KLHL4: variants seen among roughly 807,000 people sequenced by gnomAD.
KLHL4 encodes kelch like family member 4, also known as kelch-like protein 4.
A neutral mutation model predicts 45.8 loss-of-function variants in KLHL4; 17 were observed. The observed-to-expected ratio is 0.37, with a 90% CI of 0.25 to 0.56. KLHL4 has a LOEUF of 0.56. Among genes scored for constraint, KLHL4 ranks in the 20% least tolerant of loss-of-function variants. The pLI, the probability that KLHL4 is intolerant of heterozygous loss-of-function variation, is 0.79. For synonymous variants in KLHL4, 224 were observed against 189.9 expected, an observed-to-expected ratio of 1.18 and a Z score of -1.47; for missense variants, 544 against 544.9, an observed-to-expected ratio of 1.00 and a Z score of 0.02.
intron 1 of KLHL4, among the ~76,000 whole-genome samples, chrX:87,532,659 A>C (rs979168817): frequency 1.9e-5 from 2 of 103,851 alleles, no homozygotes; most frequent in African/African-American, 7.1e-5. Flanking sequence ...CATCCCTTGT[A>C]AGTTGGATTC....
intron 9 of KLHL4, among the ~76,000 whole-genome samples, chrX:87,649,778 C>A (rs1480095823): frequency 9.0e-6 from 1 of 111,272 alleles, no homozygotes; most frequent in African/African-American, 3.3e-5. Flanking sequence ...TCTCCTTTCC[C>A]CATTCAGTGG....
chrX:87,575,408 A>G (rs73511905), intron 1 of KLHL4, among the ~76,000 whole-genome samples: 196 of 111,690 alleles, frequency 1.8e-3, no homozygotes, highest in African/African-American at 6.2e-3. Flanking sequence ...TCCCGAAACC[A>G]TCCCCTCCAA....
At chrX:87,595,823 G>A (rs887942472) in intron 1 of KLHL4, among the ~76,000 whole-genome samples, 1 of 110,989 alleles carries the variant, frequency 9.0e-6, no homozygotes, top group Non-Finnish European at 1.9e-5. Context: ...ATAATAATGC[G>A]AGCTAATAAT....
chrX:87,669,372 T>C lies in KLHL4; in HGVS notation c.*2838T>C. On this transcript the variant is annotated 3_prime_UTR_variant, in exon 11 of 11. Coordinates refer to ENST00000373119, the MANE Select transcript of KLHL4 (RefSeq NM_019117.5). ...CAAAACTTCTATACCACACAGAAGC[T>C]GAAAGAGACTCTGGGGCACTAAATT... The C allele has an allele frequency of 8.3e-7, 1 of 1,208,782 alleles. No individual in the cohort carries two copies. Among genetic ancestry groups the C allele is most frequent in the Non-Finnish European group, 1.1e-6 (1 of 893,220 alleles).
Position 87,572,390 on chromosome X carries a change from A to T in KLHL4, c.423-41487A>T, listed in dbSNP as rs747783716. 3.6e-5 allele frequency among the ~76,000 whole-genome samples: 4 copies of T among 111,165 alleles called. No individual in the cohort carries two copies. The East Asian group carries it at 1.1e-3, about 32-fold the overall frequency. On this transcript the variant is annotated intron_variant, in intron 1 of 10. Coordinates refer to ENST00000373119, the MANE Select transcript of KLHL4 (RefSeq NM_019117.5). ...TTAACAAAATAAGCACTCAATGTAC[A>T]AAGCTCTCTGAAAAGAGCTCTCTCT...
At chrX:87,545,336 G>A (rs1019026313) in intron 1 of KLHL4, among the ~76,000 whole-genome samples, 16 of 111,565 alleles carry the variant, frequency 1.4e-4, no homozygotes, top group Non-Finnish European at 2.6e-4. Context: ...GGCCTGGTGG[G>A]AGGTGATTGG....
intron 9 of KLHL4, among the ~76,000 whole-genome samples, chrX:87,643,091 G>A (rs1399678734): frequency 9.0e-6 from 1 of 111,262 alleles, no homozygotes; most frequent in African/African-American, 3.3e-5. Flanking sequence ...AGAACTAAAT[G>A]AAATTGAAAC....
chrX:87,572,683 T>C (rs939426596), intron 1 of KLHL4, among the ~76,000 whole-genome samples: 2 of 110,469 alleles, frequency 1.8e-5, no homozygotes, highest in Admixed American at 9.7e-5. Flanking sequence ...TAGCATCAAT[T>C]AGTTTCTATA....
chrX:87,658,235 G>A (rs1924056622), intron 9 of KLHL4, among the ~76,000 whole-genome samples: 2 of 111,621 alleles, frequency 1.8e-5, no homozygotes, highest in Admixed American at 9.5e-5. Context: ...CCTCCTGCAC[G>A]CACACTTCAA....
At chrX:87,641,152 G>A (rs987916934) in intron 9 of KLHL4, among the ~76,000 whole-genome samples, 2 of 111,606 alleles carry the variant, frequency 1.8e-5, no homozygotes, top group Non-Finnish European at 3.8e-5. Flanking sequence ...AATCCTGAGA[G>A]GACCCACAGA....
At chrX:87,583,589 T>C (rs1921359645) in intron 1 of KLHL4, among the ~76,000 whole-genome samples, 1 of 111,492 alleles carries the variant, frequency 9.0e-6, no homozygotes. Flanking sequence ...AGGAAACCCA[T>C]TGCCTTGATG....
chrX:87,622,409 T>G lies in KLHL4; in HGVS notation c.1123T>G (p.Leu375Val). ...GMLLSYIRLP[L>V]LPPQLLADLE... The stretch of plus-strand genomic sequence containing the variant: ...GCTGCTTTCTTACATCAGACTGCCA[T>G]TACTCCCACCACAGGTATGGAAAAT... The change falls in exon 5 of 11, where the codon TTA (leucine) becomes GTA (valine). Residue 375 changes from leucine to valine, a missense_variant. Transcript: ENST00000373119. 8.4e-7 allele frequency: 1 copy of G among 1,193,590 alleles called. No homozygotes were observed. The highest frequency in any genetic ancestry group is 1.1e-6 in the Non-Finnish European group (1 of 881,606).
At position 87,662,686 on chromosome X, in the gene KLHL4, T is replaced by C. The variant is rs771407935; in HGVS notation, c.1926-2078T>C. 4.5e-5 allele frequency among the ~76,000 whole-genome samples: 5 copies of C among 110,744 alleles called. No homozygotes were observed. In the South Asian group the frequency reaches 1.1e-3, roughly 25 times the overall value. On this transcript the variant is annotated intron_variant, in intron 9 of 10. Coordinates refer to ENST00000373119, the MANE Select transcript of KLHL4 (RefSeq NM_019117.5). ...GGCTCACACCTATAATCCCAGCACT[T>C]TGGGAGGCTGAGGCGGGCGGATCAC...
chrX:87,614,100 A>G (rs5924064), intron 2 of KLHL4, 56 bp downstream of exon 2: 369,988 of 860,771 alleles, frequency 0.43, 59,044 homozygotes, highest in Middle Eastern at 0.49. Flanking sequence ...TAAATAAGAG[A>G]TAATGAGTAC....
intron 6 of KLHL4, among the ~76,000 whole-genome samples, chrX:87,628,694 C>T (rs971080303): frequency 1.8e-5 from 2 of 110,329 alleles, no homozygotes; most frequent in Non-Finnish European, 3.8e-5. Flanking sequence ...ACCACCTGTA[C>T]CCCCAACACT....
chrX:87,532,724 G>C (rs1174894339), intron 1 of KLHL4, among the ~76,000 whole-genome samples: 13 of 106,333 alleles, frequency 1.2e-4, no homozygotes, highest in Non-Finnish European at 1.7e-4. Context: ...CTCATGATTT[G>C]GCTCTCTGTT....
rs770503559 is a variant in KLHL4, at chrX:87,664,723, A to G, written c.1926-41A>G. The G allele has an allele frequency of 1.6e-5, 16 of 991,122 alleles. No individual in the cohort carries two copies. In the African/African-American group the frequency reaches 2.9e-4, roughly 18 times the overall value. 81.7% of individuals were successfully genotyped at this position (991,122 alleles called of 1,213,427 possible). ...GTCTGTTATTTTCAGTTGTAACTCTATTGGACTTTTCCTCCCAATTATCTT... is the reference window on the plus strand; with the variant it reads ...GTCTGTTATTTTCAGTTGTAACTCTGTTGGACTTTTCCTCCCAATTATCTT... On this transcript the variant is annotated intron_variant, in intron 9 of 10. Transcript: ENST00000373119.
rs183379342 is a variant in KLHL4 at position 87,633,128 on chromosome X, G to T, written c.1550-621G>T. Among the ~76,000 whole-genome samples the T allele has an allele frequency of 5.4e-5, 6 of 111,504 alleles. No individual in the cohort carries two copies. The East Asian group carries it at 1.4e-3, about 26-fold the overall frequency. On this transcript the variant is annotated intron_variant, in intron 7 of 10. Coordinates refer to ENST00000373119, the MANE Select transcript of KLHL4 (RefSeq NM_019117.5). ...CAATATAATTGATATTAGCAAATAGGTAGGAGAGGTGATGATGATATACCA... is the reference window on the plus strand; with the variant it reads ...CAATATAATTGATATTAGCAAATAGTTAGGAGAGGTGATGATGATATACCA...
chrX:87,520,409 C>T (rs1332949074), intron 1 of KLHL4, among the ~76,000 whole-genome samples: 1 of 112,341 alleles, frequency 8.9e-6, no homozygotes, highest in Non-Finnish European at 1.9e-5. Flanking sequence ...CTATGACGCT[C>T]AGAGTAAAGT....
Sources: allele counts gnomAD v4.1 joint callset (sites outside exome capture counted in the v4.1 genomes callset), GRCh38; gene constraint gnomAD v4.1.1; transcripts MANE v1.5; gene names NCBI Gene and HGNC (gene_info 2026-07-23, HGNC 2026-07-21).